Variants in FRMD5 observed in about 807,000 individuals in gnomAD.
FRMD5 encodes FERM domain containing 5.
In FRMD5, 20 loss-of-function variants were observed where a neutral mutation model predicts 69.0. The observed-to-expected ratio is 0.29, with a 90% CI of 0.20 to 0.42. FRMD5 has a LOEUF of 0.42. Among genes scored for constraint, FRMD5 ranks in the 10% least tolerant of loss-of-function variants. The pLI is 1.00. For missense variants in FRMD5, 595 were observed against 708.6 expected (o/e 0.84, Z 1.82); for synonymous variants, 271 against 260.1 (o/e 1.04, Z -0.40).
intron 1 of FRMD5, among the ~76,000 whole-genome samples, chr15:43,997,147 G>T (rs1405517638): frequency 1.3e-5 from 2 of 152,144 alleles, no homozygotes; most frequent in East Asian, 3.8e-4. Context: ...CTTAACAGAA[G>T]AATGCTGCTA....
chr15:43,927,731 CTTT>C (rs879431059), intron 1 of FRMD5, among the ~76,000 whole-genome samples: 1 of 140,814 alleles, frequency 7.1e-6, no homozygotes, highest in African/African-American at 2.6e-5. Flanking sequence ...TCAGCTGGTG[CTTT>C]TTTTTTTTTA....
At chr15:44,188,070 T>G (rs948347718) in intron 1 of FRMD5, among the ~76,000 whole-genome samples, 6 of 152,204 alleles carry the variant, frequency 3.9e-5, no homozygotes, top group Non-Finnish European at 8.8e-5. Context: ...TGTAAGCCCT[T>G]CGACAACAGG....
intron 6 of FRMD5, 109 bp downstream of exon 6, chr15:43,905,719 C>T: frequency 7.3e-7 from 1 of 1,374,612 alleles, no homozygotes; most frequent in Non-Finnish European, 1.0e-6. Flanking sequence ...TGGGGAGCAT[C>T]ACTCTGTGTC....
intron 1 of FRMD5, among the ~76,000 whole-genome samples, chr15:44,096,498 G>A (rs1440614604): frequency 6.6e-6 from 1 of 151,310 alleles, no homozygotes; most frequent in Non-Finnish European, 1.5e-5. Flanking sequence ...CGCCTCCTGG[G>A]TTCAAGTAAT....
At chr15:44,070,024 A>G (rs1373787123) in intron 1 of FRMD5, among the ~76,000 whole-genome samples, 2 of 152,346 alleles carry the variant, frequency 1.3e-5, no homozygotes, top group South Asian at 2.1e-4. Context: ...TTGGGAACAC[A>G]AGGTCTCTTA....
intron 1 of FRMD5, among the ~76,000 whole-genome samples, chr15:44,035,891 T>C (rs1287783241): frequency 6.6e-6 from 1 of 152,004 alleles, no homozygotes; most frequent in East Asian, 1.9e-4. Flanking sequence ...AGCTGGGAGG[T>C]TTTTATTTTG....
In FRMD5 at chr15:43,943,785, T is replaced by C. The variant is rs577137994; in HGVS notation, c.103-19476A>G. Reference sequence around the variant, plus strand: ...GTCTCCAGAGGGAGAATGTCTCTGCTGACACCTTGATTTCAAACTTCTAGT... The same window carrying C: ...GTCTCCAGAGGGAGAATGTCTCTGCCGACACCTTGATTTCAAACTTCTAGT... On this transcript the variant is annotated intron_variant, in intron 1 of 13. Coordinates refer to ENST00000417257, the MANE Select transcript of FRMD5 (RefSeq NM_032892.5). Among the ~76,000 whole-genome samples the C allele has an allele frequency of 5.3e-5, 8 of 152,378 alleles. 1 individual carries two copies. In the South Asian group the frequency reaches 1.5e-3, roughly 28 times the overall value.
At chr15:43,960,852 A>C (rs1389223895) in intron 1 of FRMD5, among the ~76,000 whole-genome samples, 3 of 152,240 alleles carry the variant, frequency 2.0e-5, no homozygotes, top group African/African-American at 7.2e-5. Context: ...CTTAAAGCTG[A>C]GTAGCAAAAG....
chr15:44,128,673 T>C (rs999326414), intron 1 of FRMD5, among the ~76,000 whole-genome samples: 2 of 152,062 alleles, frequency 1.3e-5, no homozygotes, highest in African/African-American at 4.8e-5. Flanking sequence ...TATTCAAAAA[T>C]AAAATAGTCA....
intron 1 of FRMD5, among the ~76,000 whole-genome samples, chr15:44,159,980 T>G (rs548186776): frequency 2.2e-4 from 33 of 152,314 alleles, no homozygotes; most frequent in Non-Finnish European, 4.4e-4. Flanking sequence ...GCATCTATCA[T>G]CAAGGGTGAG....
chr15:44,064,125 C>T (rs909692892), intron 1 of FRMD5: 2 of 216,562 alleles, frequency 9.2e-6, no homozygotes, highest in Non-Finnish European at 1.8e-5. Flanking sequence ...TTTTCCAGAA[C>T]ATCATGCTTG....
intron 1 of FRMD5, among the ~76,000 whole-genome samples, chr15:44,055,206 G>A (rs1277557267): frequency 1.3e-5 from 2 of 152,138 alleles, no homozygotes; most frequent in Admixed American, 6.5e-5. Context: ...GAGCTAGGGT[G>A]GGTAGCTGGG....
At chr15:43,991,677 C>G (rs191762611) in intron 1 of FRMD5, among the ~76,000 whole-genome samples, 13 of 152,230 alleles carry the variant, frequency 8.5e-5, no homozygotes, top group African/African-American at 3.1e-4. Flanking sequence ...GTTCTTGCCA[C>G]AAAAAATCCA....
chr15:44,035,015 C>T (rs1326116079), intron 1 of FRMD5, among the ~76,000 whole-genome samples: 3 of 152,208 alleles, frequency 2.0e-5, no homozygotes, highest in Admixed American at 1.3e-4. Flanking sequence ...TATCAGAACA[C>T]TTAATTCTTG....
At chr15:44,132,549 C>T (rs1297928047) in intron 1 of FRMD5, among the ~76,000 whole-genome samples, 1 of 152,130 alleles carries the variant, frequency 6.6e-6, no homozygotes, top group Admixed American at 6.5e-5. Flanking sequence ...CCACCTCAGC[C>T]TCCCAAGTAG....
chr15:43,910,577 A>AAAAAG (rs1232749181), intron 4 of FRMD5, among the ~76,000 whole-genome samples: 1 of 145,358 alleles, frequency 6.9e-6, no homozygotes, highest in East Asian at 2.0e-4. Context: ...TGTCTCAAAA[A>AAAAAG]AAAAAAAAAA....
chr15:44,091,278 T>C (rs2076468510), intron 1 of FRMD5, among the ~76,000 whole-genome samples: 1 of 152,200 alleles, frequency 6.6e-6, no homozygotes. Context: ...ATCAAGCTTA[T>C]TTAGCACTTG....
chr15:43,927,004 C>A (rs561437739), intron 1 of FRMD5, among the ~76,000 whole-genome samples: 1 of 151,068 alleles, frequency 6.6e-6, no homozygotes, highest in Non-Finnish European at 1.5e-5. Flanking sequence ...AAATCTCTAC[C>A]TTTTCCCAAG....
At chr15:43,960,653 G>A (rs1420462749) in intron 1 of FRMD5, among the ~76,000 whole-genome samples, 2 of 152,120 alleles carry the variant, frequency 1.3e-5, no homozygotes, top group Admixed American at 6.5e-5. Context: ...CAAAGTGCTG[G>A]GATTACAGGC....
Sources: gnomAD v4.1 joint callset for allele counts (sites outside exome capture counted in the v4.1 genomes callset) on GRCh38, gnomAD v4.1.1 for gene constraint, MANE v1.5 for transcripts, NCBI Gene and HGNC (gene_info 2026-07-23, HGNC 2026-07-21) for gene names.